Variants in STRADB observed in about 807,000 individuals in gnomAD.
STRADB encodes the protein STE20 related adaptor beta.
A neutral mutation model predicts 52.1 loss-of-function variants in STRADB; 34 were observed. The ratio of observed to expected loss-of-function variants is 0.65; its 90% CI spans 0.50 to 0.87. STRADB has a LOEUF of 0.87. Among genes scored for constraint, STRADB ranks in the 40% least tolerant of loss-of-function variants. The pLI, the probability that STRADB is intolerant of heterozygous loss-of-function variation, is 0.00. For synonymous variants in STRADB, 133 were observed against 174.5 expected (o/e 0.76, Z 1.87); for missense variants, 340 against 483.9 (o/e 0.70, Z 2.79).
intron 3 of STRADB, among the ~76,000 whole-genome samples, chr2:201,469,182 A>G (rs1952351701): frequency 6.6e-6 from 1 of 152,198 alleles, no homozygotes; most frequent in Non-Finnish European, 1.5e-5. Context: ...AGCACATAGT[A>G]ATGTTATTTT....
rs1952512464 is a variant in STRADB at position 201,478,295 on chromosome 2, T to C, written c.826-62T>C. ...TTGCTATAGACTCTTAGGAGCTTTA[T>C]TGTTGTTACTGTTTTAATATTTTGC... On this transcript the variant is annotated intron_variant, in intron 9 of 11. Coordinates refer to ENST00000194530, the MANE Select transcript of STRADB (RefSeq NM_018571.6). 5 of 1,600,892 alleles carry C rather than the reference T, an allele frequency of 3.1e-6. No individual in the cohort carries two copies. The Admixed American group carries it at 5.2e-5, about 17-fold the overall frequency.
rs764362021 is a variant in STRADB, at chr2:201,474,633, T to C, written c.316-14T>C. 1.1e-5 allele frequency: 18 copies of C among 1,599,946 alleles called. No individual in the cohort carries two copies. Among genetic ancestry groups the C allele is most frequent in the African/African-American group, 1.3e-5 (1 of 74,310 alleles). ...TTGTTTTTAAATGTCTTGTCTCTTG[T>C]GTGTTTATCCTAGAAAGCCGTGATT... On this transcript the variant is annotated splice_polypyrimidine_tract_variant and intron_variant, in intron 5 of 11. Transcript: ENST00000194530.
chr2:201,466,548 C>T (rs984343534), intron 3 of STRADB, among the ~76,000 whole-genome samples: 6 of 152,186 alleles, frequency 3.9e-5, no homozygotes, highest in Non-Finnish European at 5.9e-5. Flanking sequence ...TTTCTTTGGA[C>T]AACTTGTTCT....
At chr2:201,462,412 T>C (rs999470000) in intron 3 of STRADB, among the ~76,000 whole-genome samples, 1 of 152,224 alleles carries the variant, frequency 6.6e-6, no homozygotes, top group Non-Finnish European at 1.5e-5. Context: ...AGTGTTATGA[T>C]TGATAAGGAC....
At chr2:201,474,894 A>G (rs1300744254) in intron 6 of STRADB, 139 bp downstream of exon 6, 10 of 680,212 alleles carry the variant, frequency 1.5e-5, no homozygotes, top group East Asian at 3.2e-5. Flanking sequence ...GTATATTTCT[A>G]TATCTGGTAC....
chr2:201,455,717 G>A (rs1339520874), intron 2 of STRADB, among the ~76,000 whole-genome samples: 3 of 151,904 alleles, frequency 2.0e-5, no homozygotes, highest in African/African-American at 4.8e-5. Context: ...AAAAAAAAAG[G>A]ATGAGTATAT....
Position 201,461,571 on chromosome 2 carries a change from A to G in STRADB, c.93+2707A>G, listed in dbSNP as rs576486790. ...AAATTGGATTGTTTGAGCTCCTTAT[A>G]TATTCTGGTTATTAATCCCTTATCA... On this transcript the variant is annotated intron_variant, in intron 3 of 11. Coordinates refer to ENST00000194530, the MANE Select transcript of STRADB (RefSeq NM_018571.6). Among the ~76,000 whole-genome samples, 399 of 152,164 alleles carry G rather than the reference A, an allele frequency of 2.6e-3. 3 individuals carry two copies. The highest frequency in any genetic ancestry group is 8.8e-3 in the African/African-American group (366 of 41,500).
In STRADB at chr2:201,478,406, G is replaced by GTAT. The variant is rs745964384; in HGVS notation, c.877_879dup (p.Ile293dup). On this transcript the variant is annotated inframe_insertion, in exon 10 of 12. Transcript: ENST00000194530. ...CCTCCTTATAGCCCATTGGATATCA[G>GTAT]TATTTTCCCTCAATCAGAATCCAGA... 6.8e-6 allele frequency: 11 copies of GTAT among 1,614,006 alleles called. No homozygotes were observed. The highest frequency in any genetic ancestry group is 1.3e-5 in the African/African-American group (1 of 74,920).
intron 3 of STRADB, among the ~76,000 whole-genome samples, chr2:201,466,767 A>G (rs1257967584): frequency 1.3e-5 from 2 of 152,242 alleles, no homozygotes; most frequent in African/African-American, 2.4e-5. Context: ...CAATTTTAGC[A>G]TTACAGTGAT....
chr2:201,476,487 C>G (rs1952474908), intron 7 of STRADB, among the ~76,000 whole-genome samples: 1 of 151,158 alleles, frequency 6.6e-6, no homozygotes, highest in African/African-American at 2.4e-5. Flanking sequence ...TTTCTAAATT[C>G]AGTGTTTGGT....
At chr2:201,453,871 C>A (rs544666212) in intron 1 of STRADB, among the ~76,000 whole-genome samples, 1 of 152,176 alleles carries the variant, frequency 6.6e-6, no homozygotes, top group South Asian at 2.1e-4. Flanking sequence ...TGATCACAGC[C>A]TTTCAGGTCC....
At chr2:201,471,882 A>G (rs1301509684) in intron 4 of STRADB, among the ~76,000 whole-genome samples, 1 of 152,230 alleles carries the variant, frequency 6.6e-6, no homozygotes, top group African/African-American at 2.4e-5. Context: ...AATTCAGGGC[A>G]TATGAGGGAG....
intron 5 of STRADB, among the ~76,000 whole-genome samples, chr2:201,473,394 G>A (rs764323939): frequency 2.0e-5 from 3 of 152,104 alleles, no homozygotes; most frequent in Non-Finnish European, 4.4e-5. Context: ...AGGCGGTCAG[G>A]GGATGCAGTC....
chr2:201,474,927 A>C (rs906728052), intron 6 of STRADB, among the ~76,000 whole-genome samples, 172 bp downstream of exon 6: 2 of 152,258 alleles, frequency 1.3e-5, no homozygotes, highest in African/African-American at 4.8e-5. Flanking sequence ...AGTCTGCAGA[A>C]AAAAGTAAGA....
chr2:201,464,180 T>G (rs999528643), intron 3 of STRADB, among the ~76,000 whole-genome samples: 1 of 152,142 alleles, frequency 6.6e-6, no homozygotes, highest in African/African-American at 2.4e-5. Context: ...GTTACGTATT[T>G]ATCATAGTCT....
At chr2:201,474,871 T>G (rs1202767087) in intron 6 of STRADB, 116 bp downstream of exon 6, 2 of 807,656 alleles carry the variant, frequency 2.5e-6, no homozygotes, top group Non-Finnish European at 3.8e-6. Flanking sequence ...AATGACTGAT[T>G]TTAGATTTCA....
intron 3 of STRADB, among the ~76,000 whole-genome samples, chr2:201,468,376 A>G (rs566930678): frequency 6.6e-6 from 1 of 152,040 alleles, no homozygotes; most frequent in African/African-American, 2.4e-5. Flanking sequence ...GAATAATTTG[A>G]TCTCTGACTT....
chr2:201,472,912 TTTC>T (rs778131272), intron 4 of STRADB, 40 bp from the exon 5 acceptor site: 4 of 1,536,508 alleles, frequency 2.6e-6, no homozygotes, highest in Admixed American at 4.3e-5. Context: ...GTCAGTTTTT[TTTC>T]TTCTTTGGTT....
chr2:201,477,860 G>GC, intron 8 of STRADB, 70 bp downstream of exon 8: 1 of 1,559,668 alleles, frequency 6.4e-7, no homozygotes, highest in Non-Finnish European at 8.8e-7. Flanking sequence ...AAGTACAGTT[G>GC]TGTCTTTATA....
Sources: gnomAD v4.1 joint callset for allele counts (sites outside exome capture counted in the v4.1 genomes callset) on GRCh38, gnomAD v4.1.1 for gene constraint, MANE v1.5 for transcripts, NCBI Gene and HGNC (gene_info 2026-07-23, HGNC 2026-07-21) for gene names.